MTMR14: variants seen among roughly 807,000 people sequenced by gnomAD.
MTMR14 encodes myotubularin related protein 14.
Under a neutral mutation model 86.3 loss-of-function variants are expected in MTMR14, and 48 were observed. The observed-to-expected ratio is 0.56, with a 90% CI of 0.44 to 0.71. The LOEUF is 0.71. MTMR14 is among the 30% of genes least tolerant of loss of function. MTMR14 has a pLI of 0.00. For synonymous variants in MTMR14, 366 were observed against 326.1 expected (o/e 1.12, Z -1.32); for missense variants, 780 against 834.6 (o/e 0.93, Z 0.81).
chr3:9,683,363 G>A (rs2075833466), intron 10 of MTMR14, 119 bp downstream of exon 10: 2 of 941,322 alleles, frequency 2.1e-6, no homozygotes, highest in Non-Finnish European at 3.4e-6. Flanking sequence ...TGTGGGAGAG[G>A]AATTTGGGGA....
At position 9,683,207 on chromosome 3, in the gene MTMR14, C is replaced by T. The variant is rs759585906; in HGVS notation, c.927C>T (p.Asn309=). Residue 309 remains asparagine (N), a synonymous_variant, in exon 10 of 19, where the codon AAC becomes AAT. Coordinates refer to ENST00000296003, the MANE Select transcript of MTMR14 (RefSeq NM_001077525.3). ...QCWDLVQQTQ[N]YLKLLLSLVN... ...GGGATCTGGTGCAACAAACACAAAA[C>T]TACCTGAAGCTGCTGCTTTCCTTAG... is the stretch of plus-strand genomic sequence containing the variant. 6 of 1,614,210 alleles carry T rather than the reference C, an allele frequency of 3.7e-6. No homozygotes were observed. Among genetic ancestry groups the T allele is most frequent in the Non-Finnish European group, 5.1e-6 (6 of 1,180,018 alleles).
intron 3 of MTMR14, among the ~76,000 whole-genome samples, chr3:9,662,704 G>A (rs552360164): frequency 2.0e-5 from 3 of 152,246 alleles, no homozygotes; most frequent in South Asian, 2.1e-4. Context: ...TCAAAGGTTT[G>A]TGGATTAGAT....
chr3:9,670,995 G>C (rs2048537913), intron 5 of MTMR14, 53 bp from the exon 6 acceptor site: 2 of 1,612,836 alleles, frequency 1.2e-6, no homozygotes, highest in Middle Eastern at 1.7e-4. Flanking sequence ...CCACCCCCAA[G>C]CTCCTGTGAG....
chr3:9,669,569 G>C, intron 5 of MTMR14, 77 bp downstream of exon 5: 1 of 1,468,008 alleles, frequency 6.8e-7, no homozygotes, highest in Non-Finnish European at 9.3e-7. Flanking sequence ...TGTTCATATT[G>C]TCCGTGGGTA....
chr3:9,671,012 T>C, intron 5 of MTMR14, 36 bp from the exon 6 acceptor site: 2 of 1,613,716 alleles, frequency 1.2e-6, no homozygotes, highest in East Asian at 4.5e-5. Context: ...TGAGTGAACA[T>C]GCCATGTAAC....
intron 6 of MTMR14, 81 bp downstream of exon 6, chr3:9,671,251 C>G: frequency 1.3e-6 from 2 of 1,594,040 alleles, no homozygotes; most frequent in Non-Finnish European, 1.7e-6. Context: ...GTAGCTGTCA[C>G]TGCGTGCTGG....
chr3:9,649,707 C>A lies in MTMR14; in HGVS notation c.124C>A (p.Arg42=). ...GGAGGAGTTCTCCCGGACTCAGTAC[C>A]GGGCCAAGGATGGCAGCGGGACCGG... The part of the protein sequence containing the change: ...LLEEFSRTQY[R]AKDGSGTGGS... Residue 42 remains arginine (R), a synonymous_variant, in exon 1 of 19, where the codon CGG becomes AGG. Transcript: ENST00000296003. The A allele has an allele frequency of 6.2e-7, 1 of 1,613,068 alleles. No individual in the cohort carries two copies.
At chr3:9,691,785 A>G (rs1458041598) in intron 17 of MTMR14, among the ~76,000 whole-genome samples, 2 of 151,810 alleles carry the variant, frequency 1.3e-5, no homozygotes, top group African/African-American at 4.8e-5. Flanking sequence ...GGCTGAGGAG[A>G]ATTGGGGTTG....
In MTMR14 at chr3:9,701,849, C is replaced by T. The variant is rs1295239715; in HGVS notation, c.1829C>T (p.Ala610Val). The change falls in exon 19 of 19, where the codon GCT (alanine) becomes GTT (valine). Residue 610 changes from alanine (A) to valine (V), a missense_variant. By Grantham distance (64) the Ala-to-Val change is moderately conservative. Coordinates refer to ENST00000296003, the MANE Select transcript of MTMR14 (RefSeq NM_001077525.3). This position sits in a 1 kb window ranked among gnomAD's most constrained non-coding sequence, Gnocchi z 4.2. ...RLQEVRSAFL[A>V]AYSSTVGLRA... The stretch of plus-strand genomic sequence containing the variant: ...CAGGAGGTGCGCTCAGCCTTCTTGG[C>T]TGCGTACAGCAGCACAGTGGGGCTT... The T allele has an allele frequency of 6.2e-7, 1 of 1,613,900 alleles. No homozygotes were observed. The highest frequency in any genetic ancestry group is 8.5e-7 in the Non-Finnish European group (1 of 1,180,050).
chr3:9,654,286 T>G (rs2047472318), intron 2 of MTMR14, among the ~76,000 whole-genome samples: 1 of 152,222 alleles, frequency 6.6e-6, no homozygotes. Flanking sequence ...TCATGTTAAT[T>G]AGTCCTTTTA....
chr3:9,694,484 ATAGAT>A (rs1159836820), intron 17 of MTMR14, among the ~76,000 whole-genome samples: 4 of 151,884 alleles, frequency 2.6e-5, no homozygotes, highest in Non-Finnish European at 5.9e-5. Flanking sequence ...AATACAAAAG[ATAGAT>A]TAGATAGATA....
intron 3 of MTMR14, among the ~76,000 whole-genome samples, chr3:9,664,719 A>G (rs2048150742): frequency 6.6e-6 from 1 of 152,166 alleles, no homozygotes; most frequent in South Asian, 2.1e-4. Flanking sequence ...ACTCATGAAG[A>G]TAGAGAGTAG....
At chr3:9,688,004 G>T in intron 14 of MTMR14, 113 bp downstream of exon 14, 1 of 922,578 alleles carries the variant, frequency 1.1e-6, no homozygotes, top group Non-Finnish European at 1.7e-6. Context: ...TGCTTGTTGG[G>T]CTGGTGCTCC....
chr3:9,685,229 G>T lies in MTMR14; in HGVS notation c.1146G>T (p.Arg382=). The T allele has an allele frequency of 6.2e-7, 1 of 1,614,072 alleles. No homozygotes were observed. Among genetic ancestry groups the T allele is most frequent in the African/African-American group, 1.3e-5 (1 of 75,010 alleles). Residue 382 remains arginine (R), a synonymous_variant, in exon 13 of 19, where the codon CGG becomes CGT. Transcript: ENST00000296003. The part of the protein sequence containing the change: ...WFLFGHMLVD[R]LSKGEEIFFF... The stretch of plus-strand genomic sequence containing the variant: ...TTTTCAGGCACATGTTGGTAGATCG[G>T]CTCAGCAAAGGGGAGGAGGTGAGTA...
At chr3:9,683,432 C>G (rs2125257688) in intron 10 of MTMR14, 188 bp downstream of exon 10, 1 of 614,260 alleles carries the variant, frequency 1.6e-6, no homozygotes, top group African/African-American at 1.9e-5. Context: ...ATTCCATGTC[C>G]TCAAAATCCT....
rs545617296 is a variant in MTMR14, at chr3:9,682,448, C to T, written c.898-730C>T. On this transcript the variant is annotated intron_variant, in intron 9 of 18. Transcript: ENST00000296003. ...CTGCCCCAGCTAGGGAAAAGGGTGC[C>T]GCAAAACTGGGTCAGGCCCTTCCAT... 1.6e-3 allele frequency among the ~76,000 whole-genome samples: 237 copies of T among 152,290 alleles called. 2 individuals are homozygous for T. Among genetic ancestry groups the T allele is most frequent in the Non-Finnish European group, 1.4e-3 (94 of 68,038 alleles).
chr3:9,671,524 A>G (rs2048564839), intron 6 of MTMR14, among the ~76,000 whole-genome samples: 1 of 151,810 alleles, frequency 6.6e-6, no homozygotes, highest in Admixed American at 6.6e-5. Flanking sequence ...TAATTTTTTT[A>G]ATTTATTTTT....
chr3:9,696,879 G>A (rs566158489), intron 17 of MTMR14, among the ~76,000 whole-genome samples: 2 of 152,306 alleles, frequency 1.3e-5, no homozygotes, highest in Admixed American at 6.5e-5. Context: ...GGTAGCAGGT[G>A]GAAGGGCCTT....
At position 9,671,077 on chromosome 3, in the gene MTMR14, T is replaced by C; in HGVS notation, c.584T>C (p.Val195Ala). ...RSGDTHLFDK[V>A]RGYDIKLLRY... ...GGTGACACGCATCTTTTTGATAAGG[T>C]CAGAGGCTATGACATCAAGCTGCTT... The change falls in exon 6 of 19, where the codon GTC becomes GCC. Residue 195 changes from valine (V) to alanine (A), a missense_variant. Transcript: ENST00000296003. The C allele has an allele frequency of 1.9e-6, 3 of 1,614,150 alleles. No homozygotes were observed. The highest frequency in any genetic ancestry group is 2.5e-6 in the Non-Finnish European group (3 of 1,180,022).
Sources: gnomAD v4.1 joint callset for allele counts (sites outside exome capture counted in the v4.1 genomes callset) on GRCh38, gnomAD v4.1.1 for gene constraint, Gnocchi (gnomAD v3.1) non-coding constraint, MANE v1.5 for transcripts, NCBI Gene and HGNC (gene_info 2026-07-23, HGNC 2026-07-21) for gene names.